Variants in DDX1 observed in about 807,000 individuals in gnomAD.
DDX1 encodes DEAD-box helicase 1.
Under a neutral mutation model 108.7 loss-of-function variants are expected in DDX1, and 28 were observed. That is an observed-to-expected ratio of 0.26 (90% CI 0.19 to 0.35). The LOEUF (loss-of-function observed/expected upper bound fraction) is 0.35, where lower values mean the gene tolerates loss of function less well. Ranked by LOEUF, DDX1 falls within the 10% of genes least tolerant of loss-of-function variation. DDX1 has a pLI of 1.00. For missense variants in DDX1, 710 were observed against 884.5 expected, an observed-to-expected ratio of 0.80 and a Z score of 2.50; for synonymous variants, 295 against 288.9, an observed-to-expected ratio of 1.02 and a Z score of -0.21.
chr2:15,601,909 T>G (rs2148738609), intron 6 of DDX1, among the ~76,000 whole-genome samples: 1 of 152,334 alleles, frequency 6.6e-6, no homozygotes, highest in East Asian at 1.9e-4. Context: ...TATGTGGACA[T>G]CACTGAGACT....
At chr2:15,621,179 C>G (rs1186952818) in intron 18 of DDX1, 63 bp downstream of exon 18, 1 of 1,161,728 alleles carries the variant, frequency 8.6e-7, no homozygotes, top group African/African-American at 1.5e-5. Context: ...CTTACCTATT[C>G]TCATGAAGGA....
In DDX1 at chr2:15,628,787, C is replaced by G. The variant is rs1271964099; in HGVS notation, c.1833-10C>G. The G allele has an allele frequency of 1.9e-6, 3 of 1,613,586 alleles. No individual in the cohort carries two copies. The African/African-American group carries it at 4.0e-5, about 22-fold the overall frequency. On this transcript the variant is annotated splice_polypyrimidine_tract_variant and intron_variant, in intron 22 of 25. Transcript: ENST00000233084. ...TAAAGTCTAATAGAAGGCTTTTAAC[C>G]ATCTTTCAGGATGGGTCTGGCAATT...
chr2:15,614,966 G>A (rs1016760080), intron 14 of DDX1, among the ~76,000 whole-genome samples: 1 of 152,184 alleles, frequency 6.6e-6, no homozygotes, highest in East Asian at 1.9e-4. Context: ...TCATCAGGAT[G>A]TCTCAAAATT....
rs971466449 is a variant in DDX1 at position 15,607,031 on chromosome 2, G to A, written c.818-144G>A. 3 of 824,934 alleles carry A rather than the reference G, an allele frequency of 3.6e-6. No homozygotes were observed. The African/African-American group carries it at 5.2e-5, about 14-fold the overall frequency. The allele number at this position is 824,934 out of a possible 1,614,324, so 51.1% of individuals were successfully genotyped here. A position where few individuals can be genotyped will look rare whatever the true frequency, so the allele number is the denominator to read the frequency against. Reference sequence around the variant, plus strand: ...AGTAGCCTTTGTTTTAGAAATCTAAGGTTTATTCTGTTTGACTGTCTTCTC... The same window carrying A: ...AGTAGCCTTTGTTTTAGAAATCTAAAGTTTATTCTGTTTGACTGTCTTCTC... On this transcript the variant is annotated intron_variant, in intron 12 of 25. Transcript: ENST00000233084.
chr2:15,600,238 A>AT (rs893171542), intron 6 of DDX1, among the ~76,000 whole-genome samples: 1 of 152,166 alleles, frequency 6.6e-6, no homozygotes, highest in African/African-American at 2.4e-5. Flanking sequence ...CTTTTATCCA[A>AT]TTCACCAGGC....
At chr2:15,625,438 C>A (rs922826728) in intron 19 of DDX1, among the ~76,000 whole-genome samples, 1 of 151,974 alleles carries the variant, frequency 6.6e-6, no homozygotes, top group African/African-American at 2.4e-5. Flanking sequence ...ACTTTTACCT[C>A]AAAAGAAAAA....
At chr2:15,594,498 C>T (rs1665468610) in intron 1 of DDX1, among the ~76,000 whole-genome samples, 1 of 152,082 alleles carries the variant, frequency 6.6e-6, no homozygotes, top group African/African-American at 2.4e-5. Context: ...TTAGGATGGG[C>T]CTTGAAGTAG....
In DDX1 at chr2:15,630,944, T is replaced by G. The variant is rs1666185000; in HGVS notation, c.*38T>G. On this transcript the variant is annotated 3_prime_UTR_variant, in exon 26 of 26. Transcript: ENST00000233084. ...CTGAATAAGATTTGAGTAATGAAAGTCTGTAGTCTTAAAACTCTAAAACAG... is the reference window on the plus strand; with the variant it reads ...CTGAATAAGATTTGAGTAATGAAAGGCTGTAGTCTTAAAACTCTAAAACAG... 7 of 1,604,444 alleles carry G rather than the reference T, an allele frequency of 4.4e-6. No individual in the cohort carries two copies. The highest frequency in any genetic ancestry group is 6.0e-6 in the Non-Finnish European group (7 of 1,172,400).
intron 14 of DDX1, 131 bp from the exon 15 acceptor site, chr2:15,617,113 T>TA (rs1665908097): frequency 4.8e-6 from 2 of 418,444 alleles, no homozygotes; most frequent in Non-Finnish European, 8.6e-6. Flanking sequence ...TTTTTTTTTT[T>TA]TATAAATTTA....
At chr2:15,592,897 GAT>G (rs1665437991) in intron 1 of DDX1, among the ~76,000 whole-genome samples, 1 of 103,870 alleles carries the variant, frequency 9.6e-6, no homozygotes, top group African/African-American at 4.0e-5. Context: ...AGTCATGTAA[GAT>G]ATTTTTTTTC....
chr2:15,606,000 G>A lies in DDX1; in HGVS notation c.676G>A (p.Ala226Thr). 6 of 1,587,652 alleles carry A rather than the reference G, an allele frequency of 3.8e-6. No homozygotes were observed. The highest frequency in any genetic ancestry group is 1.4e-5 in the African/African-American group (1 of 73,344). Reference protein sequence around the residue: ...FEIPPHMKNQALFPACVLKNA... With the variant: ...FEIPPHMKNQTLFPACVLKNA... ...AATACCACCACATATGAAAAACCAA[G>A]CCCTCTTTCCTGCCTGTGTTTTGAA... The change falls in exon 11 of 26, where the codon GCC becomes ACC. Residue 226 changes from alanine (A) to threonine (T), a missense_variant. Ala to Thr is a moderately conservative substitution (Grantham distance 58, BLOSUM62 0). Transcript: ENST00000233084.
rs762012674 is a variant in DDX1 at position 15,607,320 on chromosome 2, C to G, written c.956+7C>G. 2.5e-6 allele frequency: 4 copies of G among 1,611,624 alleles called. No homozygotes were observed. The highest frequency in any genetic ancestry group is 3.4e-6 in the Non-Finnish European group (4 of 1,178,282). ...TTGATAATCCTAAATTAAGGTAAATCTTCCTTTTGTGCTGAAATGCTTATT... is the reference window on the plus strand; with the variant it reads ...TTGATAATCCTAAATTAAGGTAAATGTTCCTTTTGTGCTGAAATGCTTATT... On this transcript the variant is annotated splice_region_variant and intron_variant, in intron 13 of 25. Coordinates refer to ENST00000233084, the MANE Select transcript of DDX1 (RefSeq NM_004939.3).
At chr2:15,592,602 T>C (rs1665433809) in intron 1 of DDX1, among the ~76,000 whole-genome samples, 1 of 152,160 alleles carries the variant, frequency 6.6e-6, no homozygotes, top group Admixed American at 6.6e-5. Context: ...CCTCCTTTAT[T>C]CCAAATATGA....
rs765669865 is a variant in DDX1, at chr2:15,630,924, T to A, written c.*18T>A. On this transcript the variant is annotated 3_prime_UTR_variant, in exon 26 of 26. Transcript: ENST00000233084. ...CCTTCTGATTTTTACATTTACTGAA[T>A]AAGATTTGAGTAATGAAAGTCTGTA... 1 of 1,612,336 alleles carries A rather than the reference T, an allele frequency of 6.2e-7. No individual in the cohort carries two copies. The highest frequency in any genetic ancestry group is 1.1e-5 in the South Asian group (1 of 90,984).
In DDX1 at chr2:15,613,196, T is replaced by A. The variant is rs565009058; in HGVS notation, c.957-28T>A. Reference sequence around the variant, plus strand: ...AAGCAGACTTTAATTTTTTTTTTTTTATATTATCATCTTGATATTTATTTC... The same window carrying A: ...AAGCAGACTTTAATTTTTTTTTTTTAATATTATCATCTTGATATTTATTTC... On this transcript the variant is annotated intron_variant, in intron 13 of 25. Coordinates refer to ENST00000233084, the MANE Select transcript of DDX1 (RefSeq NM_004939.3). 6.2e-5 allele frequency: 93 copies of A among 1,489,260 alleles called. No homozygotes were observed. In the African/African-American group the frequency reaches 1.1e-3, roughly 18 times the overall value. 92.3% of individuals were successfully genotyped at this position (1,489,260 alleles called of 1,614,324 possible).
rs777804432 is a variant in DDX1, at chr2:15,627,383, T to A, written c.1686+238T>A. On this transcript the variant is annotated intron_variant, in intron 20 of 25. Coordinates refer to ENST00000233084, the MANE Select transcript of DDX1 (RefSeq NM_004939.3). ...TAACAGGAATTTTCAATTTCAGAAATTTTAGTTAAATTATTTCAGGTAGAT... is the reference window on the plus strand; with the variant it reads ...TAACAGGAATTTTCAATTTCAGAAAATTTAGTTAAATTATTTCAGGTAGAT... The A allele has an allele frequency of 1.4e-3, 437 of 315,172 alleles. 1 individual carries two copies. The highest frequency in any genetic ancestry group is 2.2e-3 in the Non-Finnish European group (370 of 171,014). The allele number at this position is 315,172 out of a possible 1,614,324, so 19.5% of individuals were successfully genotyped here. A position where few individuals can be genotyped will look rare whatever the true frequency, so the allele number is the denominator to read the frequency against.
chr2:15,600,055 G>A (rs974557868), intron 6 of DDX1, among the ~76,000 whole-genome samples: 1 of 145,416 alleles, frequency 6.9e-6, no homozygotes, highest in Admixed American at 6.8e-5. Flanking sequence ...AATTCCATGT[G>A]TATTTAGGAC....
chr2:15,611,859 C>T (rs1281032087), intron 13 of DDX1, among the ~76,000 whole-genome samples: 3 of 92,832 alleles, frequency 3.2e-5, no homozygotes, highest in Non-Finnish European at 6.1e-5. Flanking sequence ...CCAGTAGGGG[C>T]GGCTGGGCAG....
rs536223092 is a variant in DDX1, at chr2:15,614,068, G to A, written c.1017+784G>A. 5.9e-5 allele frequency among the ~76,000 whole-genome samples: 9 copies of A among 152,118 alleles called. No homozygotes were observed. The East Asian group carries it at 9.7e-4, about 16-fold the overall frequency. On this transcript the variant is annotated intron_variant, in intron 14 of 25. Coordinates refer to ENST00000233084, the MANE Select transcript of DDX1 (RefSeq NM_004939.3). ...ACTCCTGACCTCAGGTGATCCACCC[G>A]CCCTGGCCTCCCAAAGTGCTGGGAT...
Sources: allele counts gnomAD v4.1 joint callset (sites outside exome capture counted in the v4.1 genomes callset), GRCh38; gene constraint gnomAD v4.1.1; transcripts MANE v1.5; gene names NCBI Gene and HGNC (gene_info 2026-07-23, HGNC 2026-07-21).